The following DGAT1 variants were observed in gnomAD, a reference collection of about 807,000 sequenced individuals.
DGAT1 encodes the protein ACAT related gene product 1.
A neutral mutation model predicts 72.6 loss-of-function variants in DGAT1; 60 were observed. That is an observed-to-expected ratio of 0.83 (90% CI 0.67 to 1.02). The LOEUF (loss-of-function observed/expected upper bound fraction) is 1.02. Ranked by LOEUF, DGAT1 falls within the 50% of genes least tolerant of loss-of-function variation. The probability of loss-of-function intolerance (pLI) is 0.00; values close to 1 mark genes in which losing one functional copy is unlikely to be tolerated. For synonymous variants in DGAT1, 290 were observed against 267.5 expected (o/e 1.08, Z -0.82); for missense variants, 592 against 670.0 (o/e 0.88, Z 1.29).
intron 2 of DGAT1, among the ~76,000 whole-genome samples, chr8:144,319,352 G>A (rs995623225): frequency 2.6e-5 from 4 of 152,296 alleles, no homozygotes; most frequent in East Asian, 1.9e-4. Context: ...CCTGCCAGAC[G>A]CCTGGGTCTT....
intron 13 of DGAT1, 33 bp from the exon 14 acceptor site, chr8:144,317,285 C>A: frequency 6.2e-7 from 1 of 1,612,746 alleles, no homozygotes; most frequent in Non-Finnish European, 8.5e-7. Flanking sequence ...GGGATCAGAG[C>A]ACACCATGGC....
Position 144,314,908 on chromosome 8 carries a change from C to G in DGAT1, c.*1646G>C. On this transcript the variant is annotated 3_prime_UTR_variant, in exon 17 of 17. Coordinates refer to ENST00000528718, the MANE Select transcript of DGAT1 (RefSeq NM_012079.6). Reference sequence around the variant, plus strand: ...TGCTTGCAGTTCTTTATTGAGGGACCAGGGGTGGGCGCCTCACCTTGGCCC... The same window carrying G: ...TGCTTGCAGTTCTTTATTGAGGGACGAGGGGTGGGCGCCTCACCTTGGCCC... The G allele has an allele frequency of 1.0e-6, 1 of 986,648 alleles. No homozygotes were observed. The highest frequency in any genetic ancestry group is 1.2e-6 in the Non-Finnish European group (1 of 830,766). 61.1% of individuals were successfully genotyped at this position (986,648 alleles called of 1,614,324 possible).
rs182187817 is a variant in DGAT1, at chr8:144,322,995, G to T, written c.201-1587C>A. On this transcript the variant is annotated intron_variant, in intron 1 of 16. Transcript: ENST00000528718. Reference sequence around the variant, plus strand: ...CGCCAGAGCCCCAGCACCGTGACGGGAGCAGGGGCACGAGGCCCAACTGCC... The same window carrying T: ...CGCCAGAGCCCCAGCACCGTGACGGTAGCAGGGGCACGAGGCCCAACTGCC... 5.5e-3 allele frequency among the ~76,000 whole-genome samples: 838 copies of T among 152,314 alleles called. 5 individuals carry two copies. The highest frequency in any genetic ancestry group is 7.5e-3 in the Non-Finnish European group (511 of 68,032).
rs545368393 is a variant in DGAT1, at chr8:144,321,434, CCT to C, written c.201-28_201-27del. The stretch of plus-strand genomic sequence containing the variant: ...CTGACAGAGCACAACACAAGCACCC[CCT>C]GAGTGGGCACCAGCAGGGCAGCGCC... On this transcript the variant is annotated intron_variant, in intron 1 of 16. Coordinates refer to ENST00000528718, the MANE Select transcript of DGAT1 (RefSeq NM_012079.6). The C allele has an allele frequency of 7.7e-4, 1,242 of 1,609,492 alleles. 2 individuals carry two copies. The highest frequency in any genetic ancestry group is 8.8e-4 in the Non-Finnish European group (1,035 of 1,176,308).
At position 144,316,393 on chromosome 8, in the gene DGAT1, G is replaced by A; in HGVS notation, c.*161C>T. ...CTGGCCTGCTGTCGCCATCCCTGAG[G>A]GGTGCAGGACAGAGCCCCATAGGGG... On this transcript the variant is annotated 3_prime_UTR_variant, in exon 17 of 17. Coordinates refer to ENST00000528718, the MANE Select transcript of DGAT1 (RefSeq NM_012079.6). 5.6e-6 allele frequency: 5 copies of A among 893,550 alleles called. No individual in the cohort carries two copies. The highest frequency in any genetic ancestry group is 5.9e-5 in the Admixed American group (2 of 33,948). The allele number at this position is 893,550 out of a possible 1,614,324, so 55.4% of individuals were successfully genotyped here.
chr8:144,315,078 GCTTTAGGGTT>G lies in DGAT1; in HGVS notation c.*1466_*1475del, dbSNP rs1294764441. ...ACGGGGAACGGGAGCCTGTCCCGTA[GCTTTAGGGTT>G]CTCCACTCAGCCTGGTGGAGGAAGG... On this transcript the variant is annotated 3_prime_UTR_variant, in exon 17 of 17. Transcript: ENST00000528718. 16 of 985,300 alleles carry G rather than the reference GCTTTAGGGTT, an allele frequency of 1.6e-5. No individual in the cohort carries two copies. Among genetic ancestry groups the G allele is most frequent in the Non-Finnish European group, 1.9e-5 (16 of 829,980 alleles). 61.0% of individuals were successfully genotyped at this position (985,300 alleles called of 1,614,324 possible).
rs782205654 is a variant in DGAT1 at position 144,321,331 on chromosome 8, A to G, written c.278T>C (p.Val93Ala). 2.4e-5 allele frequency: 38 copies of G among 1,613,802 alleles called. No homozygotes were observed. The highest frequency in any genetic ancestry group is 2.7e-5 in the Non-Finnish European group (32 of 1,179,930). The change falls in exon 2 of 17, where the codon GTG becomes GCG. Residue 93 changes from valine (V) to alanine (A), a missense_variant. Transcript: ENST00000528718. ...CCATGTCCCACTCACCAGCATCACCACACACCAGTTCAGGATGCCACGGTA... is the reference window on the plus strand; with the variant it reads ...CCATGTCCCACTCACCAGCATCACCGCACACCAGTTCAGGATGCCACGGTA... ...SNYRGILNWC[V>A]VMLILSNARL...
intron 4 of DGAT1, 40 bp downstream of exon 4, chr8:144,318,795 C>A: frequency 6.2e-7 from 1 of 1,607,354 alleles, no homozygotes; most frequent in Non-Finnish European, 8.5e-7. Context: ...GCCACGTCAG[C>A]CTGATCCCCA....
chr8:144,317,334 A>G lies in DGAT1; in HGVS notation c.1093T>C (p.Trp365Arg). ...FGDREFYRDW[W>R]NSESVTYFWQ... ...CAGGGACACCCCAGGGACACTCACC[A>G]CCAGTCCCGGTAGAACTCCCGGTCT... The change falls in exon 13 of 17, where the codon TGG (tryptophan) becomes CGG (arginine). Residue 365 changes from tryptophan (W) to arginine (R), a missense_variant and splice_region_variant. Trp to Arg is a moderately radical substitution (Grantham distance 101). Transcript: ENST00000528718. 6.2e-7 allele frequency: 1 copy of G among 1,613,644 alleles called. No homozygotes were observed. The highest frequency in any genetic ancestry group is 8.5e-7 in the Non-Finnish European group (1 of 1,179,892).
chr8:144,315,271 A>C lies in DGAT1; in HGVS notation c.*1283T>G, dbSNP rs1588677926. On this transcript the variant is annotated 3_prime_UTR_variant, in exon 17 of 17. Coordinates refer to ENST00000528718, the MANE Select transcript of DGAT1 (RefSeq NM_012079.6). The stretch of plus-strand genomic sequence containing the variant: ...ACACCCATCCCCCCACCAGGAGCTC[A>C]CCCACTACTGCCATCCTCAGCAGGG... 1 of 985,436 alleles carries C rather than the reference A, an allele frequency of 1.0e-6. No homozygotes were observed. The highest frequency in any genetic ancestry group is 1.2e-6 in the Non-Finnish European group (1 of 829,964). The allele number at this position is 985,436 out of a possible 1,614,324, so 61.0% of individuals were successfully genotyped here. A position where few individuals can be genotyped will look rare whatever the true frequency, so the allele number is the denominator to read the frequency against.
intron 1 of DGAT1, among the ~76,000 whole-genome samples, chr8:144,325,682 C>T (rs1257767541): frequency 1.3e-5 from 2 of 152,168 alleles, no homozygotes; most frequent in African/African-American, 4.8e-5. Context: ...TCCCTCCACC[C>T]CTCTCTGTCA....
intron 1 of DGAT1, among the ~76,000 whole-genome samples, chr8:144,323,946 G>A (rs782087287): frequency 6.6e-6 from 1 of 152,066 alleles, no homozygotes; most frequent in Non-Finnish European, 1.5e-5. Flanking sequence ...GATGGTTGGG[G>A]CAGGCTCCCT....
rs1267200912 is a variant in DGAT1 at position 144,326,825 on chromosome 8, C to T, written c.-189G>A. The T allele has an allele frequency of 1.9e-5, 6 of 309,402 alleles. No individual in the cohort carries two copies. Among genetic ancestry groups the T allele is most frequent in the Admixed American group, 1.7e-4 (3 of 17,748 alleles). 19.2% of individuals were successfully genotyped at this position (309,402 alleles called of 1,614,324 possible). ...TCGGGCCCGTCGGCCTCAAGGACAA[C>T]GGCTGCGTTGCTCCGGAGCCGCTAA... On this transcript the variant is annotated 5_prime_UTR_variant, in exon 1 of 17. Coordinates refer to ENST00000528718, the MANE Select transcript of DGAT1 (RefSeq NM_012079.6).
intron 2 of DGAT1, among the ~76,000 whole-genome samples, chr8:144,320,989 C>A (rs922203940): frequency 1.1e-4 from 17 of 152,214 alleles, no homozygotes; most frequent in African/African-American, 3.6e-4. Context: ...CCCTCAGGCC[C>A]AGCTCACAAC....
At chr8:144,320,192 G>A (rs1554847950) in intron 2 of DGAT1, among the ~76,000 whole-genome samples, 1 of 152,236 alleles carries the variant, frequency 6.6e-6, no homozygotes, top group Admixed American at 6.5e-5. Context: ...TGCCTGGGGT[G>A]GGGGCATGGG....
chr8:144,315,194 C>CA lies in DGAT1; in HGVS notation c.*1359dup. On this transcript the variant is annotated 3_prime_UTR_variant, in exon 17 of 17. Transcript: ENST00000528718. ...CAGTTTGTTCTCGAGCTCCACTGGCCAACTGATAGGGAGAGGCACAGGAGC... is the reference window on the plus strand; with the variant it reads ...CAGTTTGTTCTCGAGCTCCACTGGCCAAACTGATAGGGAGAGGCACAGGAGC... The CA allele has an allele frequency of 1.0e-6, 1 of 985,486 alleles. No homozygotes were observed. The highest frequency in any genetic ancestry group is 1.2e-6 in the Non-Finnish European group (1 of 829,948). 61.0% of individuals were successfully genotyped at this position (985,486 alleles called of 1,614,324 possible).
Position 144,315,022 on chromosome 8 carries a change from CTT to C in DGAT1, c.*1530_*1531del, listed in dbSNP as rs1259790332. 13 of 985,474 alleles carry C rather than the reference CTT, an allele frequency of 1.3e-5. No individual in the cohort carries two copies. The highest frequency in any genetic ancestry group is 1.6e-5 in the Non-Finnish European group (13 of 830,096). 61.0% of individuals were successfully genotyped at this position (985,474 alleles called of 1,614,324 possible). On this transcript the variant is annotated 3_prime_UTR_variant, in exon 17 of 17. Transcript: ENST00000528718. ...AGGTGATGCGGGGCGGGCACACTGT[CTT>C]TCTGCCAGAGCCAGCACCCTGTGTA...
At position 144,318,178 on chromosome 8, in the gene DGAT1, AC is replaced by A; in HGVS notation, c.677-10del. 6.2e-7 allele frequency: 1 copy of A among 1,607,344 alleles called. No homozygotes were observed. The highest frequency in any genetic ancestry group is 8.5e-7 in the Non-Finnish European group (1 of 1,176,454). On this transcript the variant is annotated splice_polypyrimidine_tract_variant and intron_variant, in intron 7 of 16. Transcript: ENST00000528718. ...CTTCTTCCCTGCAGAGGCTACGAGC[AC>A]AGCAGAGTGGGAGGGGGCTGGTGGG...
At position 144,318,734 on chromosome 8, in the gene DGAT1, C is replaced by G; in HGVS notation, c.433G>C (p.Val145Leu). 1 of 1,608,168 alleles carries G rather than the reference C, an allele frequency of 6.2e-7. No homozygotes were observed. The highest frequency in any genetic ancestry group is 8.5e-7 in the Non-Finnish European group (1 of 1,177,656). ...CLVIAANVFA[V>L]AAFQVEKRLA... ...CGCTTCTCAACCTGGAATGCAGCCA[C>G]AGCAAAGACATTGGCCGCTGTGGAC... Residue 145 changes from valine to leucine, a missense_variant, in exon 5 of 17, where the codon GTG (valine) becomes CTG (leucine). By Grantham distance (32) the Val-to-Leu change is conservative. Transcript: ENST00000528718.
Sources: allele counts gnomAD v4.1 joint callset (sites outside exome capture counted in the v4.1 genomes callset), GRCh38; gene constraint gnomAD v4.1.1; transcripts MANE v1.5; gene names NCBI Gene and HGNC (gene_info 2026-07-23, HGNC 2026-07-21).